VWA3B: variants seen among roughly 807,000 people sequenced by gnomAD.
VWA3B encodes the protein von Willebrand factor A domain containing 3B, also known as von Willebrand factor A domain-containing protein 3B.
In VWA3B, 138 loss-of-function variants were observed where a neutral mutation model predicts 158.3. The ratio of observed to expected loss-of-function variants is 0.87; its 90% CI spans 0.76 to 1.00. VWA3B has a LOEUF of 1.00. Among genes scored for constraint, VWA3B ranks in the 50% least tolerant of loss-of-function variants. The pLI, the probability that VWA3B is intolerant of heterozygous loss-of-function variation, is 0.00. For missense variants in VWA3B, 1,555 were observed against 1,565.1 expected (o/e 0.99, Z 0.11); for synonymous variants, 596 against 587.3 (o/e 1.01, Z -0.21).
chr2:98,193,930 T>C (rs965826526), intron 11 of VWA3B, among the ~76,000 whole-genome samples: 10 of 152,142 alleles, frequency 6.6e-5, no homozygotes, highest in Non-Finnish European at 1.5e-5. Context: ...TGGAGAAATA[T>C]GAACAAGTGT....
intron 10 of VWA3B, among the ~76,000 whole-genome samples, chr2:98,190,310 C>T (rs906677402): frequency 3.3e-5 from 5 of 152,190 alleles, no homozygotes; most frequent in African/African-American, 1.2e-4. Context: ...AATCTTACAA[C>T]TTTCACTCCC....
intron 19 of VWA3B, among the ~76,000 whole-genome samples, chr2:98,248,787 G>C (rs979980439): frequency 8.6e-5 from 13 of 152,026 alleles, no homozygotes; most frequent in Admixed American, 8.5e-4. Context: ...ACCTATCAGC[G>C]TGTGTCCCTT....
At chr2:98,171,991 C>T (rs1679628025) in intron 8 of VWA3B, among the ~76,000 whole-genome samples, 1 of 152,202 alleles carries the variant, frequency 6.6e-6, no homozygotes, top group African/African-American at 2.4e-5. Flanking sequence ...GGGTGCCAAC[C>T]CCGTGCCAAT....
At chr2:98,302,724 A>G (rs1290642913) in intron 25 of VWA3B, among the ~76,000 whole-genome samples, 8 of 152,190 alleles carry the variant, frequency 5.3e-5, no homozygotes, top group African/African-American at 2.4e-5. Context: ...AACACAGACA[A>G]TCTGGCTCCA....
intron 9 of VWA3B, among the ~76,000 whole-genome samples, chr2:98,187,047 T>A (rs1355185766): frequency 6.6e-6 from 1 of 152,080 alleles, no homozygotes; most frequent in Middle Eastern, 3.2e-3. Context: ...AGCTCAGGCC[T>A]TTGCTCTCGC....
At position 98,198,181 on chromosome 2, in the gene VWA3B, A is replaced by G. The variant is rs185383190; in HGVS notation, c.1737+3689A>G. On this transcript the variant is annotated intron_variant, in intron 12 of 27. Transcript: ENST00000477737. ...AATTCCAACACAGAGCCCAGGGTTCATTTGTAATGAACTTATTTGCAACTT... is the reference window on the plus strand; with the variant it reads ...AATTCCAACACAGAGCCCAGGGTTCGTTTGTAATGAACTTATTTGCAACTT... Among the ~76,000 whole-genome samples the G allele has an allele frequency of 1.4e-3, 209 of 152,236 alleles. 1 individual carries two copies. Among genetic ancestry groups the G allele is most frequent in the African/African-American group, 4.9e-3 (203 of 41,546 alleles).
In VWA3B at chr2:98,250,398, C is replaced by T. The variant is rs188808723; in HGVS notation, c.2754C>T (p.Tyr918=). Residue 918 remains tyrosine, a synonymous_variant, in exon 20 of 28, where the codon TAC becomes TAT. Coordinates refer to ENST00000477737, the MANE Select transcript of VWA3B (RefSeq NM_144992.5). The stretch of plus-strand genomic sequence containing the variant: ...CCCAAGGAGCCAAACTCAATATCTA[C>T]AAGCGAAAAGTGGAACAGGCAATTC... ...INPQGAKLNI[Y]KRKVEQAIQS... is the part of the protein sequence containing the mutation. 196 of 1,612,842 alleles carry T rather than the reference C, an allele frequency of 1.2e-4. No homozygotes were observed. The African/African-American group carries it at 2.2e-3, about 18-fold the overall frequency.
At chr2:98,225,445 G>A (rs936975790) in intron 14 of VWA3B, among the ~76,000 whole-genome samples, 7 of 152,094 alleles carry the variant, frequency 4.6e-5, no homozygotes, top group African/African-American at 1.7e-4. Context: ...AAATAGAAGA[G>A]AACTTCCTCA....
chr2:98,171,678 T>C (rs1379385992), intron 8 of VWA3B, among the ~76,000 whole-genome samples: 1 of 151,368 alleles, frequency 6.6e-6, no homozygotes, highest in Non-Finnish European at 1.5e-5. Context: ...AGATTTACAT[T>C]TAGAAAAAAA....
At chr2:98,133,746 T>C in intron 6 of VWA3B, 78 bp from the exon 7 acceptor site, 1 of 1,263,294 alleles carries the variant, frequency 7.9e-7, no homozygotes, top group Non-Finnish European at 1.2e-6. Context: ...GAAGAGCACG[T>C]TCAGTCCCAG....
chr2:98,180,905 A>T (rs961911966), intron 8 of VWA3B, 111 bp from the exon 9 acceptor site: 2 of 1,098,946 alleles, frequency 1.8e-6, no homozygotes. Flanking sequence ...GAAATGAAAC[A>T]TGGGCTTTGT....
chr2:98,209,782 T>C (rs1268597346), intron 12 of VWA3B, among the ~76,000 whole-genome samples: 2 of 152,214 alleles, frequency 1.3e-5, no homozygotes, highest in Non-Finnish European at 2.9e-5. Flanking sequence ...CTTGGTATAA[T>C]GAGTGATTTT....
chr2:98,282,516 C>A (rs1281154967), intron 22 of VWA3B, among the ~76,000 whole-genome samples: 1 of 148,760 alleles, frequency 6.7e-6, no homozygotes, highest in Non-Finnish European at 1.5e-5. Flanking sequence ...CGGCTCACTG[C>A]AACTTCCGCC....
At chr2:98,249,831 A>G (rs1167404179) in intron 19 of VWA3B, among the ~76,000 whole-genome samples, 5 of 152,186 alleles carry the variant, frequency 3.3e-5, no homozygotes, top group Admixed American at 3.3e-4. Context: ...AAACAAAAAA[A>G]GGATAAGAGA....
At chr2:98,238,443 A>G (rs72950932) in intron 19 of VWA3B, among the ~76,000 whole-genome samples, 214 of 152,308 alleles carry the variant, frequency 1.4e-3, no homozygotes, top group African/African-American at 5.0e-3. Context: ...CTCTGCAGTT[A>G]TATTACTATT....
chr2:98,229,539 G>C (rs1214383636), intron 15 of VWA3B, among the ~76,000 whole-genome samples: 1 of 152,360 alleles, frequency 6.6e-6, no homozygotes, highest in East Asian at 1.9e-4. Context: ...CCATTCTCCA[G>C]AATGGTTCCC....
intron 12 of VWA3B, among the ~76,000 whole-genome samples, chr2:98,205,936 G>A (rs1351187965): frequency 6.6e-6 from 1 of 152,132 alleles, no homozygotes; most frequent in East Asian, 1.9e-4. Flanking sequence ...GTTGTTCTGT[G>A]ACTCAAGATA....
At chr2:98,193,091 G>C in intron 11 of VWA3B, 55 bp downstream of exon 11, 1 of 1,558,594 alleles carries the variant, frequency 6.4e-7, no homozygotes, top group Non-Finnish European at 8.7e-7. Flanking sequence ...AGATGGTTAT[G>C]AGCAGTGGAT....
Position 98,163,068 on chromosome 2 carries a change from C to T in VWA3B, c.1114+92C>T, listed in dbSNP as rs1678763257. 2.6e-6 allele frequency: 4 copies of T among 1,557,036 alleles called. No individual in the cohort carries two copies. In the South Asian group the frequency reaches 4.9e-5, roughly 19 times the overall value. On this transcript the variant is annotated intron_variant, in intron 8 of 27. Coordinates refer to ENST00000477737, the MANE Select transcript of VWA3B (RefSeq NM_144992.5). The stretch of plus-strand genomic sequence containing the variant: ...GCTTCCATGTTCCTGACCAGAGAAG[C>T]TCCAGAGCCCAGCTGCGAGGGGCTG...
Sources: gnomAD v4.1 joint callset for allele counts (sites outside exome capture counted in the v4.1 genomes callset) on GRCh38, gnomAD v4.1.1 for gene constraint, MANE v1.5 for transcripts, NCBI Gene and HGNC (gene_info 2026-07-23, HGNC 2026-07-21) for gene names.